The following CSMD3 variants were observed in gnomAD, a reference collection of about 807,000 sequenced individuals.
CSMD3 encodes CUB and Sushi multiple domains 3.
Under a neutral mutation model 435.2 loss-of-function variants are expected in CSMD3, and 177 were observed. The ratio of observed to expected loss-of-function variants is 0.41; its 90% confidence interval spans 0.36 to 0.46. The LOEUF (loss-of-function observed/expected upper bound fraction) is 0.46, where lower values mean the gene tolerates loss of function less well. Among genes scored for constraint, CSMD3 ranks in the 20% least tolerant of loss-of-function variants. The pLI is 0.34. For missense variants in CSMD3, 4,265 were observed against 4,504.6 expected (o/e 0.95, Z 1.52); for synonymous variants, 1,656 against 1,520.5 (o/e 1.09, Z -2.07).
In CSMD3 at chr8:113,061,125, G is replaced by T. The variant is rs2088593901; in HGVS notation, c.917+37631C>A. Among the ~76,000 whole-genome samples the T allele has an allele frequency of 2.0e-5, 3 of 152,084 alleles. No homozygotes were observed. In the South Asian group the frequency reaches 6.2e-4, roughly 32 times the overall value. The stretch of plus-strand genomic sequence containing the variant: ...ACCCACCTCTTGTCTTTTCTGTGGG[G>T]CCATAACCCTGTTATCTCTTTCCAC... On this transcript the variant is annotated intron_variant, in intron 5 of 70. Transcript: ENST00000297405.
At chr8:112,991,543 TAGAA>T (rs2085456800) in intron 6 of CSMD3, among the ~76,000 whole-genome samples, 2 of 151,818 alleles carry the variant, frequency 1.3e-5, no homozygotes, top group Non-Finnish European at 1.5e-5. Flanking sequence ...GCTTTCCTGA[TAGAA>T]AGAATAAACA....
intron 27 of CSMD3, among the ~76,000 whole-genome samples, chr8:112,549,320 G>A (rs1827470348): frequency 6.6e-6 from 1 of 151,820 alleles, no homozygotes; most frequent in Non-Finnish European, 1.5e-5. Context: ...TTCTAATTCG[G>A]AGCCATTTAT....
In CSMD3 at chr8:112,237,150, G is replaced by A. The variant is rs2129986686; in HGVS notation, c.10627+40C>T. The A allele has an allele frequency of 3.1e-6, 5 of 1,589,334 alleles. No homozygotes were observed. The South Asian group carries it at 3.3e-5, about 11-fold the overall frequency. On this transcript the variant is annotated intron_variant, in intron 67 of 70. Coordinates refer to ENST00000297405, the MANE Select transcript of CSMD3 (RefSeq NM_198123.2). ...ATGATGAAATCATAATAGAAATAAA[G>A]TCATGAAGGTATATTTCGCTGCTGT...
chr8:112,523,381 A>G (rs1366863539), intron 27 of CSMD3, among the ~76,000 whole-genome samples: 2 of 151,994 alleles, frequency 1.3e-5, no homozygotes, highest in African/African-American at 4.8e-5. Flanking sequence ...ACAATTCTGA[A>G]ATGAAAAAAC....
chr8:112,852,689 G>A (rs1180711516), intron 11 of CSMD3, among the ~76,000 whole-genome samples: 1 of 152,014 alleles, frequency 6.6e-6, no homozygotes, highest in Admixed American at 6.6e-5. Context: ...TTGGGAGGCC[G>A]AGGTGGGTGG....
chr8:112,422,806 T>G (rs2130301148), intron 32 of CSMD3, among the ~76,000 whole-genome samples: 1 of 152,324 alleles, frequency 6.6e-6, no homozygotes, highest in South Asian at 2.1e-4. Context: ...ACTTATTGTT[T>G]AACTCTGTCA....
chr8:112,560,653 A>G (rs1381555437), intron 24 of CSMD3, among the ~76,000 whole-genome samples: 1 of 151,730 alleles, frequency 6.6e-6, no homozygotes, highest in Non-Finnish European at 1.5e-5. Flanking sequence ...ATTAACTCAA[A>G]TCATGACATA....
At chr8:112,830,335 CA>C (rs1417445450) in intron 11 of CSMD3, among the ~76,000 whole-genome samples, 3 of 152,120 alleles carry the variant, frequency 2.0e-5, no homozygotes, top group East Asian at 3.9e-4. Flanking sequence ...AAGAATTCCT[CA>C]AATATATTAA....
rs1392779250 is a variant in CSMD3, at chr8:113,316,450, A to G, written c.179-1657T>C. On this transcript the variant is annotated intron_variant, in intron 1 of 70. Coordinates refer to ENST00000297405, the MANE Select transcript of CSMD3 (RefSeq NM_198123.2). ...AAGCCAGAGTTGTAGATTATGGCAG[A>G]TAGTGGCTGATTTGGGATGTTGTAC... is the stretch of plus-strand genomic sequence containing the variant. Among the ~76,000 whole-genome samples the G allele has an allele frequency of 2.0e-5, 3 of 152,304 alleles. No individual in the cohort carries two copies. In the East Asian group the frequency reaches 5.8e-4, roughly 29 times the overall value.
intron 2 of CSMD3, among the ~76,000 whole-genome samples, chr8:113,305,711 C>A (rs1384374244): frequency 6.6e-6 from 1 of 152,094 alleles, no homozygotes; most frequent in Non-Finnish European, 1.5e-5. Flanking sequence ...TTTATGTTGA[C>A]CAAAAGTTTT....
intron 1 of CSMD3, among the ~76,000 whole-genome samples, chr8:113,381,911 CT>C (rs1470034711): frequency 4.6e-5 from 7 of 152,092 alleles, no homozygotes; most frequent in African/African-American, 7.2e-5. Context: ...ATTCTTATGA[CT>C]ATATCATGTA....
chr8:112,491,886 A>G (rs1327722803), intron 31 of CSMD3, among the ~76,000 whole-genome samples: 2 of 152,116 alleles, frequency 1.3e-5, no homozygotes, highest in Non-Finnish European at 2.9e-5. Flanking sequence ...GGATCATTCA[A>G]TGGATTAGGG....
At chr8:113,019,016 A>C in intron 6 of CSMD3, 51 bp downstream of exon 6, 1 of 1,188,890 alleles carries the variant, frequency 8.4e-7, no homozygotes, top group Non-Finnish European at 1.3e-6. Flanking sequence ...AGTTGTGTAC[A>C]CCAAAATTAT....
At position 112,224,048 on chromosome 8, in the gene CSMD3, G is replaced by A. The variant is rs1194658382; in HGVS notation, c.*723C>T. 2 of 152,132 alleles carry A rather than the reference G, an allele frequency of 1.3e-5. No homozygotes were observed. Among genetic ancestry groups the A allele is most frequent in the African/African-American group, 4.8e-5 (2 of 41,418 alleles). 9.4% of individuals were successfully genotyped at this position (152,132 alleles called of 1,614,324 possible). On this transcript the variant is annotated 3_prime_UTR_variant, in exon 71 of 71. Transcript: ENST00000297405. ...GCAAGGAGTGAAACACTACCCCATA[G>A]CTCACTGAATAATACTGGTTACTCC... is the stretch of plus-strand genomic sequence containing the variant.
rs1006666837 is a variant in CSMD3, at chr8:112,492,593, T to G, written c.5174A>C (p.Tyr1725Ser). Residue 1725 changes from tyrosine to serine, a missense_variant, in exon 31 of 71, where the codon TAT becomes TCT. Around this residue, in one of 3 missense-constraint regions of CSMD3, gnomAD observed 3,255 missense variants for 3,380.2 expected, o/e 0.96. Transcript: ENST00000297405. ...MDYKLGSTVT[Y>S]YCDAGYVLQG... is the part of the protein sequence containing the mutation. Reference sequence around the variant, plus strand: ...AAGAACATAACCAGCATCACAGTAATAGGTGACTGTTGACCCTAATTTATA... The same window carrying G: ...AAGAACATAACCAGCATCACAGTAAGAGGTGACTGTTGACCCTAATTTATA... 3 of 1,612,446 alleles carry G rather than the reference T, an allele frequency of 1.9e-6. No homozygotes were observed. Among genetic ancestry groups the G allele is most frequent in the Non-Finnish European group, 2.5e-6 (3 of 1,178,590 alleles).
intron 57 of CSMD3, among the ~76,000 whole-genome samples, chr8:112,289,133 C>A (rs775764447): frequency 7.9e-5 from 12 of 152,080 alleles, no homozygotes; most frequent in Non-Finnish European, 1.5e-4. Flanking sequence ...AAATTAGCAA[C>A]ACAGTTCAAA....
intron 4 of CSMD3, among the ~76,000 whole-genome samples, chr8:113,107,043 T>G (rs1362766582): frequency 1.3e-5 from 2 of 152,176 alleles, no homozygotes; most frequent in Non-Finnish European, 2.9e-5. Flanking sequence ...CTATGCTCCC[T>G]TCCCCCTGGG....
chr8:113,142,741 A>C (rs570988877), intron 4 of CSMD3, among the ~76,000 whole-genome samples: 32 of 151,248 alleles, frequency 2.1e-4, no homozygotes, highest in African/African-American at 7.7e-4. Flanking sequence ...TCACTAAAAA[A>C]GAATAATTGC....
intron 10 of CSMD3, among the ~76,000 whole-genome samples, chr8:112,863,080 G>T (rs1414790203): frequency 6.6e-6 from 1 of 151,814 alleles, no homozygotes; most frequent in East Asian, 1.9e-4. Flanking sequence ...CTGATCTATA[G>T]AAACTTCCTG....
Sources: gnomAD v4.1 joint callset for allele counts (sites outside exome capture counted in the v4.1 genomes callset) on GRCh38, gnomAD v4.1.1 for gene constraint, gnomAD v4.1.1 regional missense constraint, MANE v1.5 for transcripts, NCBI Gene and HGNC (gene_info 2026-07-23, HGNC 2026-07-21) for gene names.